Variants in DNAAF5 observed in about 807,000 individuals in gnomAD.
The protein encoded by DNAAF5 is HEAT repeat containing 2.
DNAAF5 carries 64 observed loss-of-function variants against 75.8 expected under a neutral mutation model. That is an observed-to-expected ratio of 0.84 (90% CI 0.69 to 1.04). DNAAF5 has a LOEUF of 1.04. DNAAF5 is among the 50% of genes least tolerant of loss of function. The probability of loss-of-function intolerance (pLI) is 0.00; values close to 1 mark genes in which losing one functional copy is unlikely to be tolerated. For missense variants in DNAAF5, 1,269 were observed against 1,178.5 expected (o/e 1.08, Z -1.12); for synonymous variants, 657 against 557.2 (o/e 1.18, Z -2.52).
intron 2 of DNAAF5, among the ~76,000 whole-genome samples, chr7:735,706 TG>T (rs1781722514): frequency 6.6e-6 from 1 of 152,248 alleles, no homozygotes; most frequent in Non-Finnish European, 1.5e-5. Flanking sequence ...TGGTTAAAGG[TG>T]TGTTGATTTT....
chr7:779,499 G>C (rs566981808), intron 11 of DNAAF5, among the ~76,000 whole-genome samples: 63 of 152,234 alleles, frequency 4.1e-4, no homozygotes, highest in Non-Finnish European at 7.1e-4. Flanking sequence ...TTCAGCAGCA[G>C]AAAACTGACC....
intron 5 of DNAAF5, 136 bp from the exon 6 acceptor site, chr7:756,646 G>A: frequency 5.3e-6 from 4 of 758,352 alleles, no homozygotes; most frequent in Non-Finnish European, 8.8e-6. Context: ...CTGAGCATGT[G>A]CCAAGGACTC....
intron 2 of DNAAF5, among the ~76,000 whole-genome samples, chr7:730,801 C>G (rs1048050270): frequency 1.1e-5 from 1 of 88,510 alleles, no homozygotes; most frequent in Non-Finnish European, 2.7e-5. Flanking sequence ...CCACCAGGAG[C>G]CTTTGTTCAC....
intron 4 of DNAAF5, among the ~76,000 whole-genome samples, chr7:747,572 T>G (rs1782161298): frequency 6.6e-6 from 1 of 150,666 alleles, no homozygotes; most frequent in African/African-American, 2.5e-5. Context: ...CCAGCTGGTG[T>G]GCAGTGTTGT....
chr7:732,283 A>G (rs1381550169), intron 2 of DNAAF5, among the ~76,000 whole-genome samples: 2 of 152,242 alleles, frequency 1.3e-5, no homozygotes, highest in Non-Finnish European at 2.9e-5. Flanking sequence ...CGAGCCCAGG[A>G]CACTGACCAC....
In DNAAF5 at chr7:727,216, G is replaced by A; in HGVS notation, c.496G>A (p.Asp166Asn). The A allele has an allele frequency of 7.4e-7, 1 of 1,350,854 alleles. No homozygotes were observed. The highest frequency in any genetic ancestry group is 9.5e-7 in the Non-Finnish European group (1 of 1,050,562). 83.7% of individuals were successfully genotyped at this position (1,350,854 alleles called of 1,614,324 possible). Reference sequence around the variant, plus strand: ...CGCCGCGCTCGCGCCCCACCTGGACGACGCTCTGCGCGCGCTGCGCTGCTC... The same window carrying A: ...CGCCGCGCTCGCGCCCCACCTGGACAACGCTCTGCGCGCGCTGCGCTGCTC... ...CGAALAPHLD[D>N]ALRALRCSLL... Residue 166 changes from aspartate (D) to asparagine (N), a missense_variant, in exon 1 of 13, where the codon GAC becomes AAC. Coordinates refer to ENST00000297440, the MANE Select transcript of DNAAF5 (RefSeq NM_017802.4).
At chr7:741,092 C>T (rs1047813874) in intron 3 of DNAAF5, 149 bp downstream of exon 3, 6 of 981,784 alleles carry the variant, frequency 6.1e-6, no homozygotes, top group African/African-American at 3.3e-5. Flanking sequence ...GAAGTCGTCT[C>T]GTTTTGTAAA....
intron 2 of DNAAF5, among the ~76,000 whole-genome samples, chr7:737,796 C>T (rs143900959): frequency 7.9e-5 from 12 of 152,334 alleles, no homozygotes; most frequent in Non-Finnish European, 1.5e-4. Context: ...ACTGGAGCTG[C>T]GTTGTACGTG....
chr7:784,272 A>G (rs1173808656), intron 12 of DNAAF5, among the ~76,000 whole-genome samples: 1 of 151,974 alleles, frequency 6.6e-6, no homozygotes, highest in East Asian at 1.9e-4. Flanking sequence ...CTGTGTCTGC[A>G]CCGCTCCCTC....
At chr7:785,329 G>C (rs1316589591) in intron 12 of DNAAF5, among the ~76,000 whole-genome samples, 188 bp from the exon 13 acceptor site, 1 of 151,104 alleles carries the variant, frequency 6.6e-6, no homozygotes, top group African/African-American at 2.5e-5. Context: ...CAGGTCATTC[G>C]TCCCCACATT....
rs772441913 is a variant in DNAAF5 at position 774,181 on chromosome 7, G to A, written c.2065G>A (p.Val689Ile). The change falls in exon 10 of 13, where the codon GTC (valine) becomes ATC (isoleucine). Residue 689 changes from valine to isoleucine, a missense_variant. Transcript: ENST00000297440. Reference sequence around the variant, plus strand: ...CCTCTGGGCGCTCACCAGCAGCGAGGTCCTGTCGGCAGAGCAGGTACGGGG... The same window carrying A: ...CCTCTGGGCGCTCACCAGCAGCGAGATCCTGTCGGCAGAGCAGGTACGGGG... ...SCLWALTSSE[V>I]LSAEQIRDVQ... 1.9e-6 allele frequency: 3 copies of A among 1,609,392 alleles called. No homozygotes were observed. Among genetic ancestry groups the A allele is most frequent in the Middle Eastern group, 1.7e-4 (1 of 6,058 alleles).
At chr7:748,776 C>T (rs964441178) in intron 4 of DNAAF5, among the ~76,000 whole-genome samples, 28 of 152,176 alleles carry the variant, frequency 1.8e-4, no homozygotes, top group African/African-American at 6.8e-4. Context: ...TCTGTGAGCA[C>T]CCAGCGAGCT....
chr7:780,832 T>C (rs999253023), intron 12 of DNAAF5, among the ~76,000 whole-genome samples: 8 of 151,954 alleles, frequency 5.3e-5, no homozygotes, highest in African/African-American at 1.7e-4. Flanking sequence ...TTTTCTTTTT[T>C]TTTTTTTTGT....
chr7:736,605 G>T, intron 2 of DNAAF5, among the ~76,000 whole-genome samples: 1 of 152,214 alleles, frequency 6.6e-6, no homozygotes, highest in East Asian at 1.9e-4. Flanking sequence ...TTTTAGTGAC[G>T]TGTATTTCTT....
At chr7:764,648 T>G (rs972453783) in intron 8 of DNAAF5, among the ~76,000 whole-genome samples, 34 of 152,358 alleles carry the variant, frequency 2.2e-4, no homozygotes, top group Admixed American at 8.5e-4. Flanking sequence ...GCTCTGCATC[T>G]GAGGATGCTA....
intron 12 of DNAAF5, among the ~76,000 whole-genome samples, chr7:781,805 C>T (rs529952993): frequency 6.6e-6 from 1 of 152,222 alleles, no homozygotes. Context: ...TGAGAGCTGT[C>T]TGTTCAGGTC....
chr7:761,953 A>C (rs1389573618), intron 7 of DNAAF5, 57 bp downstream of exon 7: 6 of 1,411,742 alleles, frequency 4.3e-6, no homozygotes, highest in Non-Finnish European at 5.7e-6. Flanking sequence ...GCTGGAAGGC[A>C]TCTCTAAGTG....
At position 747,235 on chromosome 7, in the gene DNAAF5, G is replaced by A. The variant is rs143951636; in HGVS notation, c.1024+5770G>A. 1.1e-4 allele frequency among the ~76,000 whole-genome samples: 17 copies of A among 152,330 alleles called. No individual in the cohort carries two copies. In the East Asian group the frequency reaches 1.3e-3, roughly 12 times the overall value. ...CCTTCGCGCCATGTCGCATCCCCAC[G>A]GGCACTGGATGAGATTTCCAGGTGC... On this transcript the variant is annotated intron_variant, in intron 4 of 12. Transcript: ENST00000297440.
intron 8 of DNAAF5, among the ~76,000 whole-genome samples, chr7:765,890 CAT>C (rs1310766585): frequency 6.6e-6 from 1 of 151,988 alleles, no homozygotes; most frequent in Non-Finnish European, 1.5e-5. Flanking sequence ...GAAATGGGGT[CAT>C]ATATGCTGCC....
Sources: allele counts gnomAD v4.1 joint callset (sites outside exome capture counted in the v4.1 genomes callset), GRCh38; gene constraint gnomAD v4.1.1; transcripts MANE v1.5; gene names NCBI Gene and HGNC (gene_info 2026-07-23, HGNC 2026-07-21).